MYLK: variants seen among roughly 807,000 people sequenced by gnomAD.
The protein encoded by MYLK is myosin light chain kinase, also known as myosin light chain kinase, smooth muscle.
MYLK carries 106 observed loss-of-function variants against 203.4 expected under a neutral mutation model. The ratio of observed to expected loss-of-function variants is 0.52; its 90% CI spans 0.45 to 0.61. The LOEUF (loss-of-function observed/expected upper bound fraction) is 0.61. Ranked by LOEUF, MYLK falls within the 20% of genes least tolerant of loss-of-function variation. The pLI is 0.00. For missense variants in MYLK, 2,072 were observed against 2,442.3 expected (o/e 0.85, Z 3.20); for synonymous variants, 867 against 959.5 (o/e 0.90, Z 1.78).
intron 4 of MYLK, among the ~76,000 whole-genome samples, chr3:123,775,357 A>G (rs933644219): frequency 6.6e-6 from 1 of 152,222 alleles, no homozygotes; most frequent in Non-Finnish European, 1.5e-5. Context: ...ATCTCACAAA[A>G]CAAATGTAAG....
chr3:123,812,017 C>T (rs1035114987), intron 3 of MYLK, among the ~76,000 whole-genome samples: 5 of 152,318 alleles, frequency 3.3e-5, no homozygotes, highest in Admixed American at 1.3e-4. Context: ...TATAAAGAAT[C>T]CATTTTTAAT....
Position 123,642,506 on chromosome 3 carries a change from C to T in MYLK, c.4620-2002G>A, listed in dbSNP as rs1257480070. On this transcript the variant is annotated intron_variant, in intron 27 of 33. Coordinates refer to ENST00000360304, the MANE Select transcript of MYLK (RefSeq NM_053025.4). The surrounding 1 kb of genome is among the most constrained non-coding windows in gnomAD (Gnocchi z 4.2). ...CACACTCACTTCTGGAAGGGCTGAA[C>T]TGGAGAAGGTCAGTCTGTGCCAGTG... 6.6e-6 allele frequency among the ~76,000 whole-genome samples: 1 copy of T among 152,188 alleles called. No individual in the cohort carries two copies. The highest frequency in any genetic ancestry group is 1.5e-5 in the Non-Finnish European group (1 of 68,038).
At chr3:123,722,043 A>C in intron 13 of MYLK, 85 bp downstream of exon 13, 1 of 1,521,418 alleles carries the variant, frequency 6.6e-7, no homozygotes, top group Non-Finnish European at 8.9e-7. Flanking sequence ...AGCTCATGAT[A>C]CCATTTTCTA....
intron 24 of MYLK, among the ~76,000 whole-genome samples, chr3:123,649,700 C>A (rs1025350707): frequency 6.6e-6 from 1 of 152,172 alleles, no homozygotes; most frequent in Non-Finnish European, 1.5e-5. Context: ...AAGGCATGGT[C>A]TCTCCTTTCT....
At chr3:123,844,098 C>G (rs1158160007) in intron 2 of MYLK, among the ~76,000 whole-genome samples, 1 of 152,196 alleles carries the variant, frequency 6.6e-6, no homozygotes, top group African/African-American at 2.4e-5. Flanking sequence ...ACACACCTAT[C>G]TCGACCAAGC....
intron 18 of MYLK, chr3:123,698,821 G>A (rs1411846794): frequency 6.5e-6 from 1 of 152,786 alleles, no homozygotes; most frequent in Non-Finnish European, 1.5e-5. Context: ...GGGGCTGAGA[G>A]GGATTCTGTG....
intron 4 of MYLK, among the ~76,000 whole-genome samples, chr3:123,772,666 T>C (rs983800945): frequency 2.0e-5 from 3 of 152,006 alleles, no homozygotes; most frequent in Admixed American, 6.5e-5. Flanking sequence ...CTTTTTAAGA[T>C]ATAAAAAGTT....
intron 3 of MYLK, among the ~76,000 whole-genome samples, chr3:123,798,077 C>T (rs1401149729): frequency 1.3e-5 from 2 of 152,176 alleles, no homozygotes; most frequent in Non-Finnish European, 2.9e-5. Flanking sequence ...TCTGTACTAG[C>T]AGCACCATTT....
intron 20 of MYLK, among the ~76,000 whole-genome samples, chr3:123,671,533 A>T (rs1315808051): frequency 6.6e-6 from 1 of 152,200 alleles, no homozygotes; most frequent in Non-Finnish European, 1.5e-5. Context: ...TGTGCCCAGC[A>T]TGGAGTGAGA....
intron 29 of MYLK, among the ~76,000 whole-genome samples, chr3:123,637,626 G>C (rs1468739551): frequency 6.6e-6 from 1 of 152,302 alleles, no homozygotes; most frequent in East Asian, 1.9e-4. Context: ...GAGGCTAGTA[G>C]TTGGGGTCCC....
chr3:123,766,163 T>C (rs529677445), intron 4 of MYLK, among the ~76,000 whole-genome samples: 21 of 152,378 alleles, frequency 1.4e-4, no homozygotes, highest in African/African-American at 4.6e-4. Context: ...CAATTAGCTA[T>C]ATGTTTATCC....
chr3:123,738,801 T>C (rs1576799807), intron 7 of MYLK, 96 bp downstream of exon 7: 1 of 1,493,134 alleles, frequency 6.7e-7, no homozygotes, highest in Non-Finnish European at 9.1e-7. Flanking sequence ...TAAACCTCTT[T>C]CCTTCATAAA....
intron 3 of MYLK, among the ~76,000 whole-genome samples, chr3:123,805,785 C>T (rs1161606269): frequency 6.6e-6 from 1 of 152,236 alleles, no homozygotes; most frequent in Non-Finnish European, 1.5e-5. Flanking sequence ...TACTTAACTT[C>T]TCTAAACCTC....
At chr3:123,695,415 T>C (rs1029339177) in intron 18 of MYLK, among the ~76,000 whole-genome samples, 5 of 152,332 alleles carry the variant, frequency 3.3e-5, no homozygotes, top group Non-Finnish European at 5.9e-5. Flanking sequence ...AAGCCTGGAA[T>C]GCAGTCACAG....
chr3:123,784,347 G>A (rs986266273), intron 4 of MYLK, among the ~76,000 whole-genome samples: 2 of 145,088 alleles, frequency 1.4e-5, no homozygotes, highest in South Asian at 2.2e-4. Flanking sequence ...AAAGGTCTGT[G>A]TGCCAAATAC....
At chr3:123,831,125 T>C (rs566963609) in intron 3 of MYLK, among the ~76,000 whole-genome samples, 1 of 152,178 alleles carries the variant, frequency 6.6e-6, no homozygotes, top group Non-Finnish European at 1.5e-5. Context: ...CAAGGAACCA[T>C]GGAGTCAAAG....
intron 2 of MYLK, among the ~76,000 whole-genome samples, chr3:123,837,753 T>C (rs1385883692): frequency 6.6e-6 from 1 of 151,870 alleles, no homozygotes; most frequent in Non-Finnish European, 1.5e-5. Context: ...AATAGTCTAC[T>C]TTCTGTTTCT....
intron 31 of MYLK, 172 bp from the exon 32 acceptor site, chr3:123,620,508 C>T (rs1016427545): frequency 2.2e-5 from 33 of 1,492,700 alleles, no homozygotes; most frequent in Non-Finnish European, 2.9e-5. Context: ...TTGCTCTGCT[C>T]AGCACTGTCA....
At chr3:123,735,549 CT>C in intron 8 of MYLK, 133 bp from the exon 9 acceptor site, 1 of 989,612 alleles carries the variant, frequency 1.0e-6, no homozygotes. Context: ...TGCTGAACGT[CT>C]TTGGCCTTTG....
Sources: allele counts gnomAD v4.1 joint callset (sites outside exome capture counted in the v4.1 genomes callset), GRCh38; gene constraint gnomAD v4.1.1; non-coding constraint Gnocchi (gnomAD v3.1); transcripts MANE v1.5; gene names NCBI Gene and HGNC (gene_info 2026-07-23, HGNC 2026-07-21).